STXBP6: variants seen among roughly 807,000 people sequenced by gnomAD.
The protein encoded by STXBP6 is syntaxin-binding protein 6.
In STXBP6, 21 loss-of-function variants were observed where a neutral mutation model predicts 26.9. That is an observed-to-expected ratio of 0.78 (90% CI 0.55 to 1.12). The LOEUF is 1.12. Ranked by LOEUF, STXBP6 falls within the 50% of genes most tolerant of loss-of-function variation. The pLI is 0.00. For missense variants in STXBP6, 232 were observed against 257.9 expected, an observed-to-expected ratio of 0.90 and a Z score of 0.69; for synonymous variants, 97 against 92.6, an observed-to-expected ratio of 1.05 and a Z score of -0.27.
intron 2 of STXBP6, among the ~76,000 whole-genome samples, chr14:24,885,472 T>C (rs892679914): frequency 6.6e-6 from 1 of 152,196 alleles, no homozygotes; most frequent in African/African-American, 2.4e-5. Context: ...GTACCTAGGA[T>C]AGACAGGCCT....
chr14:24,842,695 A>G (rs1413370089), intron 4 of STXBP6, among the ~76,000 whole-genome samples: 1 of 152,146 alleles, frequency 6.6e-6, no homozygotes, highest in African/African-American at 2.4e-5. Flanking sequence ...AAAGGAAAAG[A>G]TGATTATGCC....
chr14:24,958,036 A>G (rs2073399085), intron 2 of STXBP6, among the ~76,000 whole-genome samples: 1 of 152,216 alleles, frequency 6.6e-6, no homozygotes, highest in African/African-American at 2.4e-5. Flanking sequence ...ACTTCCAAGC[A>G]TACACAAAGA....
chr14:24,917,419 T>C (rs1192313554), intron 2 of STXBP6, among the ~76,000 whole-genome samples: 8 of 152,086 alleles, frequency 5.3e-5, no homozygotes, highest in Admixed American at 1.3e-4. Flanking sequence ...GCTACAAACA[T>C]GGAGCACAGC....
intron 2 of STXBP6, among the ~76,000 whole-genome samples, chr14:24,964,877 G>A (rs2073683480): frequency 6.6e-6 from 1 of 152,174 alleles, no homozygotes; most frequent in South Asian, 2.1e-4. Context: ...ATAGGTGTAG[G>A]AAAATAACAT....
chr14:24,904,193 C>T (rs1034533760), intron 2 of STXBP6, among the ~76,000 whole-genome samples: 8 of 152,124 alleles, frequency 5.3e-5, no homozygotes, highest in Non-Finnish European at 7.4e-5. Context: ...TTATCTTCCC[C>T]GAATCCCACA....
intron 1 of STXBP6, among the ~76,000 whole-genome samples, chr14:25,044,710 G>C (rs79602701): frequency 0.077 from 11,699 of 152,316 alleles, 573 homozygotes; most frequent in Non-Finnish European, 0.12. Flanking sequence ...TGACCTGCTG[G>C]CATTACAGGC....
At chr14:25,039,890 G>T (rs2075615607) in intron 1 of STXBP6, among the ~76,000 whole-genome samples, 1 of 151,822 alleles carries the variant, frequency 6.6e-6, no homozygotes, top group South Asian at 2.1e-4. Context: ...TTTATTTTTA[G>T]TAGAGACAGG....
chr14:24,951,406 G>A (rs934637162), intron 2 of STXBP6, among the ~76,000 whole-genome samples: 2 of 59,810 alleles, frequency 3.3e-5, no homozygotes, highest in Non-Finnish European at 7.1e-5. Flanking sequence ...ACTTTTTAAT[G>A]AGCGTCATTC....
intron 2 of STXBP6, among the ~76,000 whole-genome samples, chr14:24,858,661 C>T (rs887462490): frequency 2.6e-5 from 4 of 152,012 alleles, no homozygotes; most frequent in Non-Finnish European, 5.9e-5. Flanking sequence ...ACCAGTCTGC[C>T]CAGGACTCTG....
rs139345405 is a variant in STXBP6 at position 25,000,568 on chromosome 14, C to T, written c.-32-25718G>A. Among the ~76,000 whole-genome samples the T allele has an allele frequency of 2.9e-3, 445 of 151,578 alleles. 1 individual carries two copies. The highest frequency in any genetic ancestry group is 9.7e-3 in the African/African-American group (401 of 41,314). The stretch of plus-strand genomic sequence containing the variant: ...TAGAAACTGAAATTTCTCTTCCCTA[C>T]GGGAAGTCATTAAAACCAGAACCTT... On this transcript the variant is annotated intron_variant, in intron 1 of 5. Coordinates refer to ENST00000323944, the MANE Select transcript of STXBP6 (RefSeq NM_001394410.1).
At chr14:24,852,048 T>C (rs1466087854) in intron 4 of STXBP6, among the ~76,000 whole-genome samples, 2 of 152,180 alleles carry the variant, frequency 1.3e-5, no homozygotes, top group Admixed American at 6.6e-5. Flanking sequence ...TCTTCCTCAT[T>C]GTTTTGTTCT....
intron 5 of STXBP6, among the ~76,000 whole-genome samples, chr14:24,818,553 G>T (rs546424059): frequency 6.6e-6 from 1 of 152,316 alleles, no homozygotes; most frequent in South Asian, 2.1e-4. Context: ...GAGGTGCGTA[G>T]TTCCCTGGGA....
At chr14:24,953,827 C>A (rs1041016781) in intron 2 of STXBP6, among the ~76,000 whole-genome samples, 1 of 152,196 alleles carries the variant, frequency 6.6e-6, no homozygotes, top group African/African-American at 2.4e-5. Flanking sequence ...ATTACTGATA[C>A]TAATAGCAGA....
At chr14:24,868,225 G>C (rs944408194) in intron 2 of STXBP6, among the ~76,000 whole-genome samples, 2 of 151,964 alleles carry the variant, frequency 1.3e-5, no homozygotes, top group African/African-American at 4.8e-5. Context: ...CAAAAATCTT[G>C]TATCAAGAAT....
chr14:24,901,729 G>A (rs941805311), intron 2 of STXBP6, among the ~76,000 whole-genome samples: 2 of 152,044 alleles, frequency 1.3e-5, no homozygotes, highest in African/African-American at 2.4e-5. Flanking sequence ...TCTCAAAAAC[G>A]TACTGAATGA....
At chr14:24,937,236 A>G (rs554956779) in intron 2 of STXBP6, among the ~76,000 whole-genome samples, 19 of 152,346 alleles carry the variant, frequency 1.2e-4, no homozygotes, top group Admixed American at 3.3e-4. Context: ...ATGTATACCC[A>G]TGTAACAAAC....
chr14:24,882,416 A>AAAAG (rs2070405874), intron 2 of STXBP6, among the ~76,000 whole-genome samples: 7 of 108,692 alleles, frequency 6.4e-5, no homozygotes, highest in African/African-American at 9.9e-5. Context: ...AAAAAAAAAG[A>AAAAG]GGGGCTTTCC....
chr14:24,956,210 A>T (rs1266058381), intron 2 of STXBP6, among the ~76,000 whole-genome samples: 4 of 152,152 alleles, frequency 2.6e-5, no homozygotes, highest in African/African-American at 9.7e-5. Context: ...ATCTTTGAAT[A>T]GACTGGAGTT....
At chr14:25,028,356 C>T (rs2075387183) in intron 1 of STXBP6, among the ~76,000 whole-genome samples, 1 of 152,108 alleles carries the variant, frequency 6.6e-6, no homozygotes, top group Non-Finnish European at 1.5e-5. Flanking sequence ...TGCTTATTTA[C>T]CATTCTGAAA....
Sources: gnomAD v4.1 joint callset for allele counts (sites outside exome capture counted in the v4.1 genomes callset) on GRCh38, gnomAD v4.1.1 for gene constraint, MANE v1.5 for transcripts, NCBI Gene and HGNC (gene_info 2026-07-23, HGNC 2026-07-21) for gene names.